The following ZFTRAF1 variants were observed in gnomAD, a reference collection of about 807,000 sequenced individuals.
The protein encoded by ZFTRAF1 is zinc finger TRAF-type-containing protein 1.
chr8:144,452,613 A>G, the ZFTRAF1 span: 1 of 1,510,152 alleles, frequency 6.6e-7, no homozygotes, highest in Admixed American at 2.0e-5. Flanking sequence ...AGCCCCGAAC[A>G]GGAGGCTGCA....
the ZFTRAF1 span, among the ~76,000 whole-genome samples, chr8:144,460,397 G>A: frequency 1.3e-5 from 2 of 152,264 alleles, no homozygotes; most frequent in Non-Finnish European, 2.9e-5. Flanking sequence ...GTCAGAAGCA[G>A]AGCCATCACT....
the ZFTRAF1 span, chr8:144,452,121 G>C: frequency 1.2e-5 from 7 of 579,424 alleles, no homozygotes; most frequent in Admixed American, 1.3e-4. Flanking sequence ...AGGTGGGCGG[G>C]GCTGCTGTGA....
chr8:144,452,714 C>T, the ZFTRAF1 span: 2 of 726,470 alleles, frequency 2.8e-6, no homozygotes, highest in Non-Finnish European at 2.2e-6. Flanking sequence ...AGGATGAGGT[C>T]AGAGTGGCAG....
chr8:144,454,840 C>G, the ZFTRAF1 span: 1 of 152,308 alleles, frequency 6.6e-6, no homozygotes, highest in African/African-American at 2.4e-5. Context: ...GCACCCCAAG[C>G]TAAGGAGCTG....
chr8:144,452,297 C>A, the ZFTRAF1 span: 2 of 1,523,938 alleles, frequency 1.3e-6, no homozygotes, highest in South Asian at 1.2e-5. Flanking sequence ...CCCCCAGACT[C>A]CTGGCTGCCA....
the ZFTRAF1 span, chr8:144,453,161 G>C: frequency 6.9e-7 from 1 of 1,451,556 alleles, no homozygotes; most frequent in Non-Finnish European, 9.4e-7. Flanking sequence ...TGCTGCACCA[G>C]GGTGGGCTCC....
At chr8:144,461,604 G>A in the ZFTRAF1 span, among the ~76,000 whole-genome samples, 1 of 152,174 alleles carries the variant, frequency 6.6e-6, no homozygotes, top group African/African-American at 2.4e-5. Flanking sequence ...AGCCTAGCGT[G>A]GGGCATGGCA....
the ZFTRAF1 span, chr8:144,450,724 C>T: frequency 4.2e-6 from 3 of 713,362 alleles, no homozygotes; most frequent in Non-Finnish European, 7.9e-6. Flanking sequence ...TCTCATAGTA[C>T]AGGCGCGTGA....
chr8:144,461,858 C>G, the ZFTRAF1 span, among the ~76,000 whole-genome samples: 4 of 152,212 alleles, frequency 2.6e-5, no homozygotes, highest in African/African-American at 9.6e-5. Context: ...GGGGAAGGAG[C>G]TCTCGAGCAC....
the ZFTRAF1 span, among the ~76,000 whole-genome samples, chr8:144,452,930 G>A: frequency 6.6e-6 from 1 of 152,242 alleles, no homozygotes; most frequent in Non-Finnish European, 1.5e-5. Context: ...CAAGCTCCCT[G>A]AGGTCCTGCG....
At chr8:144,453,080 G>T in the ZFTRAF1 span, 2 of 737,048 alleles carry the variant, frequency 2.7e-6, no homozygotes, top group Non-Finnish European at 4.4e-6. Context: ...CCACAGGGCC[G>T]TCACTGGGCT....
the ZFTRAF1 span, among the ~76,000 whole-genome samples, chr8:144,462,012 G>A: frequency 6.6e-3 from 1,002 of 152,290 alleles, 10 homozygotes; most frequent in African/African-American, 0.023. Context: ...GTAAGCGGAA[G>A]ACAAGCGATT....
chr8:144,452,585 T>C, the ZFTRAF1 span: 3 of 1,533,696 alleles, frequency 2.0e-6, no homozygotes, highest in Non-Finnish European at 2.6e-6. Flanking sequence ...GGGAGGCAGG[T>C]ACATCACTCA....
At chr8:144,461,774 G>A in the ZFTRAF1 span, among the ~76,000 whole-genome samples, 25 of 152,334 alleles carry the variant, frequency 1.6e-4, no homozygotes, top group East Asian at 1.9e-3. Flanking sequence ...CCACCCAGGA[G>A]GGTAGAAAAG....
chr8:144,456,860 A>G, the ZFTRAF1 span: 4 of 149,378 alleles, frequency 2.7e-5, no homozygotes, highest in Non-Finnish European at 4.5e-5. Context: ...TTGCAGGGGA[A>G]TTGCATCATG....
chr8:144,453,890 G>A, the ZFTRAF1 span: 2 of 183,082 alleles, frequency 1.1e-5, no homozygotes, highest in East Asian at 2.6e-4. Flanking sequence ...TCCCACACTG[G>A]GGCAGGCATG....
chr8:144,450,864 G>C, the ZFTRAF1 span: 9 of 608,058 alleles, frequency 1.5e-5, no homozygotes, highest in Non-Finnish European at 2.7e-5. Context: ...GGCAGGCTCA[G>C]CCGGGGAGGA....
At chr8:144,453,056 G>A in the ZFTRAF1 span, among the ~76,000 whole-genome samples, 1 of 152,254 alleles carries the variant, frequency 6.6e-6, no homozygotes, top group African/African-American at 2.4e-5. Context: ...TCCCCATCCT[G>A]TGCAGGCACC....
chr8:144,460,862 T>C, the ZFTRAF1 span, among the ~76,000 whole-genome samples: 1 of 152,140 alleles, frequency 6.6e-6, no homozygotes, highest in African/African-American at 2.4e-5. Flanking sequence ...CCAGCCTGGG[T>C]GACAGAGTGA....
Sources: allele counts gnomAD v4.1 joint callset (sites outside exome capture counted in the v4.1 genomes callset), GRCh38; gene constraint gnomAD v4.1.1; transcripts MANE v1.5; gene names NCBI Gene and HGNC (gene_info 2026-07-23, HGNC 2026-07-21).